The following ITFG1 variants were observed in gnomAD, a reference collection of about 807,000 sequenced individuals.
The protein encoded by ITFG1 is T-cell immunomodulatory protein.
Under a neutral mutation model 81.8 loss-of-function variants are expected in ITFG1, and 34 were observed. The observed-to-expected ratio is 0.42, with a 90% CI of 0.32 to 0.55. The LOEUF (loss-of-function observed/expected upper bound fraction) is 0.55. Ranked by LOEUF, ITFG1 falls within the 20% of genes least tolerant of loss-of-function variation. ITFG1 has a pLI of 0.17. For missense variants in ITFG1, 672 were observed against 755.4 expected (o/e 0.89, Z 1.29); for synonymous variants, 285 against 270.6 (o/e 1.05, Z -0.52).
chr16:47,416,274 G>A (rs1240387233), intron 6 of ITFG1, among the ~76,000 whole-genome samples: 1 of 151,728 alleles, frequency 6.6e-6, no homozygotes, highest in Non-Finnish European at 1.5e-5. Context: ...AAAAAGAGAT[G>A]TTAAATAAAT....
intron 14 of ITFG1, among the ~76,000 whole-genome samples, chr16:47,186,791 T>C (rs1226113516): frequency 1.3e-5 from 2 of 152,076 alleles, no homozygotes; most frequent in East Asian, 1.9e-4. Context: ...AAATAAAGGG[T>C]ATTCAATTAG....
At position 47,158,238 on chromosome 16, in the gene ITFG1, G is replaced by A. The variant is rs551096819; in HGVS notation, c.1779+635C>T. On this transcript the variant is annotated intron_variant, in intron 17 of 17. Coordinates refer to ENST00000320640, the MANE Select transcript of ITFG1 (RefSeq NM_030790.5). Reference sequence around the variant, plus strand: ...GCCTCCTGAGTAGCTGAGATTACAGGCTTGCATCATGGTGCCTGGCTAATT... The same window carrying A: ...GCCTCCTGAGTAGCTGAGATTACAGACTTGCATCATGGTGCCTGGCTAATT... 7.2e-5 allele frequency among the ~76,000 whole-genome samples: 11 copies of A among 152,232 alleles called. No individual in the cohort carries two copies. The East Asian group carries it at 1.5e-3, about 21-fold the overall frequency.
At chr16:47,166,393 C>G (rs961804831) in intron 14 of ITFG1, among the ~76,000 whole-genome samples, 1 of 152,176 alleles carries the variant, frequency 6.6e-6, no homozygotes, top group Non-Finnish European at 1.5e-5. Flanking sequence ...TTTTAGCATA[C>G]TTTTAGTCAC....
intron 7 of ITFG1, among the ~76,000 whole-genome samples, chr16:47,371,752 T>C (rs542473780): frequency 6.6e-6 from 1 of 152,202 alleles, no homozygotes; most frequent in African/African-American, 2.4e-5. Context: ...GGGAGGTGGT[T>C]ACTATGAACT....
At chr16:47,439,593 T>C (rs963916144) in intron 5 of ITFG1, among the ~76,000 whole-genome samples, 1 of 152,082 alleles carries the variant, frequency 6.6e-6, no homozygotes, top group Non-Finnish European at 1.5e-5. Context: ...CTAAGCTTCA[T>C]AAGTGAAGGA....
At chr16:47,181,492 G>T (rs1965119088) in intron 14 of ITFG1, among the ~76,000 whole-genome samples, 1 of 145,136 alleles carries the variant, frequency 6.9e-6, no homozygotes, top group Admixed American at 6.7e-5. Context: ...GCCCCGTCCG[G>T]GAGGGAGGTG....
intron 9 of ITFG1, chr16:47,312,403 G>C (rs1232725525): frequency 6.6e-6 from 1 of 151,888 alleles, no homozygotes; most frequent in Non-Finnish European, 1.5e-5. Context: ...CTTGAAAAGG[G>C]GTTAATAAAC....
At chr16:47,310,298 G>A (rs1486390707) in intron 10 of ITFG1, among the ~76,000 whole-genome samples, 1 of 152,122 alleles carries the variant, frequency 6.6e-6, no homozygotes, top group Non-Finnish European at 1.5e-5. Context: ...GACTTCTTCT[G>A]GAGAAGTTGT....
At chr16:47,232,649 T>C (rs1418920461) in intron 13 of ITFG1, among the ~76,000 whole-genome samples, 3 of 151,772 alleles carry the variant, frequency 2.0e-5, no homozygotes, top group African/African-American at 7.2e-5. Context: ...TTTTTTTTTT[T>C]CTTTTTTCTT....
chr16:47,195,704 A>G (rs942168863), intron 14 of ITFG1, among the ~76,000 whole-genome samples: 3 of 151,972 alleles, frequency 2.0e-5, no homozygotes, highest in African/African-American at 7.3e-5. Context: ...GATAGCCTTT[A>G]TTTCTCCCTC....
chr16:47,206,145 C>T (rs1394863345), intron 14 of ITFG1, among the ~76,000 whole-genome samples: 2 of 152,064 alleles, frequency 1.3e-5, no homozygotes, highest in Non-Finnish European at 2.9e-5. Context: ...GGAACACAGG[C>T]GTGATCCACC....
chr16:47,422,767 G>GTT (rs201316653), intron 6 of ITFG1, among the ~76,000 whole-genome samples: 1 of 151,316 alleles, frequency 6.6e-6, no homozygotes, highest in East Asian at 1.9e-4. Context: ...AGATTTTCCA[G>GTT]TTTTTTTTTC....
At chr16:47,375,526 T>C (rs1221807481) in intron 7 of ITFG1, among the ~76,000 whole-genome samples, 1 of 152,192 alleles carries the variant, frequency 6.6e-6, no homozygotes, top group African/African-American at 2.4e-5. Flanking sequence ...GAAAAATTGG[T>C]CTTTTTAAAA....
chr16:47,222,096 C>T (rs1014210215), intron 13 of ITFG1, among the ~76,000 whole-genome samples: 3 of 151,934 alleles, frequency 2.0e-5, no homozygotes, highest in Non-Finnish European at 4.4e-5. Flanking sequence ...TTCAGTTCTG[C>T]TCTGATTTTA....
chr16:47,385,096 T>C (rs561563035), intron 6 of ITFG1, among the ~76,000 whole-genome samples: 1 of 152,366 alleles, frequency 6.6e-6, no homozygotes, highest in East Asian at 1.9e-4. Flanking sequence ...GGTCAGAAAC[T>C]GTGCAATTCG....
At chr16:47,421,230 G>A (rs1463284920) in intron 6 of ITFG1, among the ~76,000 whole-genome samples, 1 of 150,010 alleles carries the variant, frequency 6.7e-6, no homozygotes, top group Non-Finnish European at 1.5e-5. Context: ...ATGTGTGTGT[G>A]TATATATATG....
intron 10 of ITFG1, among the ~76,000 whole-genome samples, chr16:47,289,348 GGGTAAT>G (rs1966883530): frequency 6.6e-6 from 1 of 152,100 alleles, no homozygotes; most frequent in Non-Finnish European, 1.5e-5. Context: ...TTTGGTATCA[GGGTAAT>G]GGTGACCTTG....
intron 6 of ITFG1, among the ~76,000 whole-genome samples, chr16:47,422,427 A>C (rs1968962764): frequency 6.6e-6 from 1 of 152,202 alleles, no homozygotes; most frequent in Non-Finnish European, 1.5e-5. Context: ...ATCGATGTTC[A>C]TCAGGGATAT....
intron 10 of ITFG1, among the ~76,000 whole-genome samples, chr16:47,285,463 C>T (rs560524624): frequency 6.6e-5 from 10 of 152,264 alleles, no homozygotes; most frequent in African/African-American, 2.2e-4. Context: ...TTAACTCATA[C>T]CAAAGGAGGG....
Sources: allele counts gnomAD v4.1 joint callset (sites outside exome capture counted in the v4.1 genomes callset), GRCh38; gene constraint gnomAD v4.1.1; transcripts MANE v1.5; gene names NCBI Gene and HGNC (gene_info 2026-07-23, HGNC 2026-07-21).